The following CDKN2B-AS1 variants were observed in gnomAD, a reference collection of about 807,000 sequenced individuals.
CDKN2B-AS1 encodes the protein CDKN2B antisense RNA 1 (non-protein coding).
At chr9:22,083,187 A>T (rs1392902488) in intron 4 of CDKN2B-AS1, among the ~76,000 whole-genome samples, 3 of 152,230 alleles carry the variant, frequency 2.0e-5, no homozygotes, top group Non-Finnish European at 4.4e-5. Flanking sequence ...AAATTGCATC[A>T]TACAGAGATG....
At chr9:22,126,574 CTTTTTTTTTTT>C (rs34700018) in intron 4 of CDKN2B-AS1, among the ~76,000 whole-genome samples, 1 of 104,892 alleles carries the variant, frequency 9.5e-6, no homozygotes, top group Non-Finnish European at 1.8e-5. Flanking sequence ...TAAGTGGATT[CTTTTTTTTTTT>C]TTTTTTTTTT....
chr9:22,023,613 C>T (rs2131228190), intron 1 of CDKN2B-AS1, among the ~76,000 whole-genome samples: 1 of 152,058 alleles, frequency 6.6e-6, no homozygotes, highest in East Asian at 1.9e-4. Flanking sequence ...CATGGGGGAA[C>T]ATGCTTATAA....
At position 22,056,066 on chromosome 9, in the gene CDKN2B-AS1, A is replaced by G. The variant is rs1311597257; in HGVS notation, n.303-186A>G. Among the ~76,000 whole-genome samples, 29 of 144,836 alleles carry G rather than the reference A, an allele frequency of 2.0e-4. 1 individual carries two copies. Among genetic ancestry groups the G allele is most frequent in the Admixed American group, 3.5e-4 (5 of 14,364 alleles). ...TTTTTTTTCTTTTTTTTTTTTTGAG[A>G]CGGAGTCTTGCAGTGTCGTCTGGGC... On this transcript the variant is annotated intron_variant and non_coding_transcript_variant, in intron 3 of 4. Transcript: ENST00000650946.
At chr9:22,112,642 T>C (rs1825831298) in intron 4 of CDKN2B-AS1, among the ~76,000 whole-genome samples, 1 of 152,196 alleles carries the variant, frequency 6.6e-6, no homozygotes, top group Non-Finnish European at 1.5e-5. Flanking sequence ...AATTCTTCAC[T>C]ATATTGCTCA....
chr9:22,063,870 A>C (rs984748068), intron 4 of CDKN2B-AS1: 1 of 152,324 alleles, frequency 6.6e-6, no homozygotes, highest in Non-Finnish European at 1.5e-5. Flanking sequence ...TGTTATTTGC[A>C]GTTATGATAT....
intron 3 of CDKN2B-AS1, among the ~76,000 whole-genome samples, chr9:22,052,239 A>G (rs1173193057): frequency 1.3e-5 from 2 of 152,146 alleles, no homozygotes; most frequent in Admixed American, 6.6e-5. Context: ...GGGGGCTTCA[A>G]TGTCTGACTC....
intron 4 of CDKN2B-AS1, among the ~76,000 whole-genome samples, chr9:22,087,831 A>G (rs983576518): frequency 6.6e-6 from 1 of 152,188 alleles, no homozygotes; most frequent in Non-Finnish European, 1.5e-5. Flanking sequence ...GAAAACCGAT[A>G]TCATTTGCCT....
intron 4 of CDKN2B-AS1, among the ~76,000 whole-genome samples, chr9:22,099,439 A>G (rs562743786): frequency 1.3e-5 from 2 of 152,338 alleles, no homozygotes; most frequent in South Asian, 4.1e-4. Flanking sequence ...TTTGATAGCA[A>G]GAAACTGTTT....
At chr9:22,002,122 T>C (rs1820946398) in intron 1 of CDKN2B-AS1, among the ~76,000 whole-genome samples, 1 of 152,094 alleles carries the variant, frequency 6.6e-6, no homozygotes, top group Non-Finnish European at 1.5e-5. Flanking sequence ...TTCTCCAAGT[T>C]TTCATCAAAT....
intron 1 of CDKN2B-AS1, chr9:22,009,103 C>T (rs1587389067): frequency 7.9e-7 from 1 of 1,264,870 alleles, no homozygotes; most frequent in East Asian, 2.5e-5. Context: ...CGTCGTCCTT[C>T]TGCGGCTTGG....
At chr9:22,098,157 C>CTGTGTG (rs35998780) in intron 4 of CDKN2B-AS1, among the ~76,000 whole-genome samples, 4,382 of 146,078 alleles carry the variant, frequency 0.03, 209 homozygotes, top group African/African-American at 0.1. Context: ...CTCTCTGTCT[C>CTGTGTG]TGTGTGTGTG....
At chr9:22,068,665 T>C (rs962290739) in intron 4 of CDKN2B-AS1, among the ~76,000 whole-genome samples, 2 of 152,236 alleles carry the variant, frequency 1.3e-5, no homozygotes, top group African/African-American at 4.8e-5. Flanking sequence ...AAGATCAGCA[T>C]TGCATTACTG....
chr9:22,042,626 G>A (rs1019608459), intron 1 of CDKN2B-AS1, among the ~76,000 whole-genome samples: 1 of 152,066 alleles, frequency 6.6e-6, no homozygotes, highest in Non-Finnish European at 1.5e-5. Flanking sequence ...CACCAGTCCA[G>A]GGGGTCTCCA....
At chr9:22,008,625 CT>C in intron 1 of CDKN2B-AS1, 3 of 1,577,920 alleles carry the variant, frequency 1.9e-6, no homozygotes, top group Non-Finnish European at 2.6e-6. Context: ...CAATGTCTCT[CT>C]TTAGGATTTT....
intron 1 of CDKN2B-AS1, among the ~76,000 whole-genome samples, chr9:22,045,088 T>C (rs1823054247): frequency 6.8e-6 from 1 of 146,036 alleles, no homozygotes; most frequent in Non-Finnish European, 1.5e-5. Flanking sequence ...TTTCTTTTAA[T>C]ATGTGGTCTC....
Position 22,006,374 on chromosome 9 carries a change from G to T in CDKN2B-AS1, n.29+11213G>T. On this transcript the variant is annotated intron_variant and non_coding_transcript_variant, in intron 1 of 4. Coordinates refer to ENST00000650946, the Ensembl canonical transcript of CDKN2B-AS1. This position sits in a 1 kb window ranked among gnomAD's most constrained non-coding sequence, Gnocchi z 6.4. ...CAAAGTTTTCACCCAGTGCAGAGGT[G>T]TTCAGGTCTCTGATGTCTGGTGTTT... The T allele has an allele frequency of 7.7e-7, 1 of 1,296,854 alleles. No homozygotes were observed. Among genetic ancestry groups the T allele is most frequent in the Non-Finnish European group, 1.1e-6 (1 of 931,620 alleles). The allele number at this position is 1,296,854 out of a possible 1,614,324, so 80.3% of individuals were successfully genotyped here.
intron 4 of CDKN2B-AS1, among the ~76,000 whole-genome samples, chr9:22,114,555 C>A (rs72654252): frequency 1.8e-4 from 28 of 152,126 alleles, no homozygotes; most frequent in Non-Finnish European, 3.5e-4. Context: ...ATTCTAAGAA[C>A]GTTTTGACAA....
chr9:22,127,377 G>A (rs1818034877), exon 5 of CDKN2B-AS1, among the ~76,000 whole-genome samples: 1 of 152,236 alleles, frequency 6.6e-6, no homozygotes, highest in Admixed American at 6.5e-5. Flanking sequence ...ACTGTGCCCA[G>A]CCTAAATGTT....
At chr9:22,071,524 T>A (rs139681780) in intron 4 of CDKN2B-AS1, among the ~76,000 whole-genome samples, 4 of 152,052 alleles carry the variant, frequency 2.6e-5, no homozygotes, top group Non-Finnish European at 4.4e-5. Context: ...GAGCATTGCA[T>A]TGAATCAAGA....
Sources: allele counts gnomAD v4.1 joint callset (sites outside exome capture counted in the v4.1 genomes callset), GRCh38; gene constraint gnomAD v4.1.1; non-coding constraint Gnocchi (gnomAD v3.1); transcripts MANE v1.5; gene names NCBI Gene and HGNC (gene_info 2026-07-23, HGNC 2026-07-21).